GSTM4: variants seen among roughly 807,000 people sequenced by gnomAD.
GSTM4 encodes glutathione S-transferase mu 4, also known as GST class-mu 4.
Under a neutral mutation model 30.1 loss-of-function variants are expected in GSTM4, and 27 were observed. The observed-to-expected ratio is 0.90, with a 90% confidence interval of 0.66 to 1.24. GSTM4 has a LOEUF of 1.24. Among genes scored for constraint, GSTM4 ranks in the 50% most tolerant of loss-of-function variants. The pLI, the probability that GSTM4 is intolerant of heterozygous loss-of-function variation, is 0.00. For synonymous variants in GSTM4, 94 were observed against 96.2 expected (o/e 0.98, Z 0.13); for missense variants, 238 against 272.1 (o/e 0.87, Z 0.88).
downstream of GSTM4, among the ~76,000 whole-genome samples, chr1:109,666,812 A>G (rs641065): frequency 0.59 from 88,806 of 151,378 alleles, 26,545 homozygotes; most frequent in African/African-American, 0.69. Flanking sequence ...TACAACCTCC[A>G]CCTCCCTGGT....
In GSTM4 at chr1:109,656,759, C is replaced by G. The variant is rs200076614; in HGVS notation, c.84C>G (p.Tyr28Ter). ...RLLLEYTDSSYEEKKYTMGDA... is the reference protein window; with the variant it reads ...RLLLEYTDSS ...TCCTGGAATACACAGACTCAAGCTA[C>G]GAGGAAAAGAAGTATACGATGGGGG... The change falls in exon 2 of 8, where the codon TAC (tyrosine) becomes TAG (stop). Residue 28 changes from tyrosine (Y) to a stop codon, truncating the protein, a stop_gained. Transcript: ENST00000369836. LOFTEE classifies it high-confidence loss of function. 6.2e-6 allele frequency: 10 copies of G among 1,613,906 alleles called. No homozygotes were observed. The highest frequency in any genetic ancestry group is 8.5e-6 in the Non-Finnish European group (10 of 1,179,958).
At chr1:109,667,301 GTTTTTT>G (rs970934075), downstream of GSTM4, among the ~76,000 whole-genome samples, 2 of 145,848 alleles carry the variant, frequency 1.4e-5, no homozygotes, top group Admixed American at 1.4e-4. Context: ...TGTCCTGGTA[GTTTTTT>G]TTTTTTAACT....
At chr1:109,656,583 TGTGTGTGC>T in intron 1 of GSTM4, 121 bp from the exon 2 acceptor site, 3 of 634,828 alleles carry the variant, frequency 4.7e-6, no homozygotes, top group Admixed American at 2.2e-5. Context: ...TGTGTGTGTG[TGTGTGTGC>T]GTGCGCCGGG....
intron 5 of GSTM4, chr1:109,658,511 G>T: frequency 2.6e-6 from 1 of 385,178 alleles, no homozygotes; most frequent in African/African-American, 2.0e-5. Flanking sequence ...CTCATGTCTG[G>T]GTCCAGAGCC....
rs1652015977 is a variant in GSTM4, at chr1:109,656,742, T to A, written c.67T>A (p.Tyr23Asn). The A allele has an allele frequency of 6.2e-7, 1 of 1,613,838 alleles. No homozygotes were observed. Among genetic ancestry groups the A allele is most frequent in the South Asian group, 1.1e-5 (1 of 91,080 alleles). Residue 23 changes from tyrosine to asparagine, a missense_variant, in exon 2 of 8, where the codon TAC becomes AAC. By Grantham distance (143) the Tyr-to-Asn change is moderately radical (BLOSUM62 -2). Transcript: ENST00000369836. ...CCACGCCATCCGCCTGCTCCTGGAA[T>A]ACACAGACTCAAGCTACGAGGAAAA... ...LAHAIRLLLEYTDSSYEEKKY... is the reference protein window; with the variant it reads ...LAHAIRLLLENTDSSYEEKKY...
Position 109,661,226 on chromosome 1 carries a change from C to G in GSTM4, c.629C>G (p.Thr210Arg), listed in dbSNP as rs1163155897. The change falls in exon 8 of 8, where the codon ACA (threonine) becomes AGA (arginine). Residue 210 changes from threonine to arginine, a missense_variant. Transcript: ENST00000369836. ...CGCTTCCTCCCAAAACCTCTGTACA[C>G]AAGGGTGGCTGTCTGGGGCAACAAG... is the stretch of plus-strand genomic sequence containing the variant. Reference protein sequence around the residue: ...SSRFLPKPLYTRVAVWGNK With the variant: ...SSRFLPKPLYRRVAVWGNK 1 of 1,611,206 alleles carries G rather than the reference C, an allele frequency of 6.2e-7. No individual in the cohort carries two copies. The highest frequency in any genetic ancestry group is 1.7e-4 in the Middle Eastern group (1 of 6,058).
At chr1:109,664,947 T>C, downstream of GSTM4, 1 of 1,593,670 alleles carries the variant, frequency 6.3e-7, no homozygotes, top group Non-Finnish European at 8.6e-7. Flanking sequence ...TAAAGAATGA[T>C]CTTGTGGCAG....
chr1:109,663,646 G>A (rs181534892), downstream of GSTM4, among the ~76,000 whole-genome samples: 17 of 151,590 alleles, frequency 1.1e-4, no homozygotes, highest in East Asian at 2.1e-3. Flanking sequence ...CAGCCTGGGC[G>A]ACAGAGCAAG....
chr1:109,663,407 T>C (rs1414999799), downstream of GSTM4, among the ~76,000 whole-genome samples: 5 of 152,090 alleles, frequency 3.3e-5, no homozygotes, highest in Non-Finnish European at 7.4e-5. Context: ...GTGGCTCACG[T>C]CTATAATCCC....
chr1:109,664,341 C>CTTTTTTTTTTTTT (rs77855995), downstream of GSTM4, among the ~76,000 whole-genome samples: 467 of 35,734 alleles, frequency 0.013, 162 homozygotes, highest in East Asian at 0.067. Context: ...GAGAGAATAG[C>CTTTTTTTTTTTTT]TTTTTTTTTT....
In GSTM4 at chr1:109,661,437, A is replaced by G. The variant is rs1184806131; in HGVS notation, c.*183A>G. 6.9e-7 allele frequency: 1 copy of G among 1,450,762 alleles called. No homozygotes were observed. The highest frequency in any genetic ancestry group is 9.1e-7 in the Non-Finnish European group (1 of 1,098,292). The allele number at this position is 1,450,762 out of a possible 1,614,324, so 89.9% of individuals were successfully genotyped here. A position where few individuals can be genotyped will look rare whatever the true frequency, so the allele number is the denominator to read the frequency against. ...CTTCCCCTAAACCCCTGTCCCATGC[A>G]GGCCCTTTGAAGCCTCAGCTACCCA... On this transcript the variant is annotated 3_prime_UTR_variant, in exon 8 of 8. Transcript: ENST00000369836.
chr1:109,661,458 A>C lies in GSTM4; in HGVS notation c.*204A>C. ...ATGCAGGCCCTTTGAAGCCTCAGCT[A>C]CCCACTTTCCTTCATGAACATCCCC... On this transcript the variant is annotated 3_prime_UTR_variant, in exon 8 of 8. Coordinates refer to ENST00000369836, the MANE Select transcript of GSTM4 (RefSeq NM_000850.5). 7.0e-7 allele frequency: 1 copy of C among 1,425,350 alleles called. No homozygotes were observed. Among genetic ancestry groups the C allele is most frequent in the Non-Finnish European group, 9.2e-7 (1 of 1,085,524 alleles). The allele number at this position is 1,425,350 out of a possible 1,614,324, so 88.3% of individuals were successfully genotyped here. A position where few individuals can be genotyped will look rare whatever the true frequency, so the allele number is the denominator to read the frequency against.
chr1:109,657,300 G>C, intron 3 of GSTM4, 21 bp downstream of exon 3: 1 of 1,611,358 alleles, frequency 6.2e-7, no homozygotes, highest in South Asian at 1.1e-5. Flanking sequence ...GGGAAGGGGC[G>C]GTTTTGGGGG....
chr1:109,666,892 A>C (rs1326475739), downstream of GSTM4, among the ~76,000 whole-genome samples: 11 of 151,952 alleles, frequency 7.2e-5, no homozygotes, highest in Non-Finnish European at 1.2e-4. Context: ...GGCCTGGCTA[A>C]TTTTTTTGCA....
In GSTM4 at chr1:109,656,729, C is replaced by T. The variant is rs748860366; in HGVS notation, c.54C>T (p.Arg18=). 2.2e-5 allele frequency: 35 copies of T among 1,613,966 alleles called. No individual in the cohort carries two copies. Among genetic ancestry groups the T allele is most frequent in the Non-Finnish European group, 2.8e-5 (33 of 1,179,974 alleles). ...TCTTCCAGCTGGCCCACGCCATCCG[C>T]CTGCTCCTGGAATACACAGACTCAA... ...WDIRGLAHAI[R]LLLEYTDSSY... Residue 18 remains arginine, a synonymous_variant, in exon 2 of 8, where the codon CGC becomes CGT. Transcript: ENST00000369836.
chr1:109,666,213 C>G (rs1427587443), downstream of GSTM4, among the ~76,000 whole-genome samples: 5 of 152,176 alleles, frequency 3.3e-5, no homozygotes, highest in Non-Finnish European at 7.3e-5. Context: ...ACCTCAGCCT[C>G]TCAAGTAGCT....
intron 5 of GSTM4, chr1:109,658,346 G>A (rs1388443002): frequency 4.7e-6 from 1 of 214,708 alleles, no homozygotes; most frequent in Non-Finnish European, 9.3e-6. Context: ...GGCGGCCAGA[G>A]GGCCTTTGTT....
intron 1 of GSTM4, 121 bp from the exon 2 acceptor site, chr1:109,656,585 TGTGTGC>T: frequency 1.1e-5 from 7 of 636,056 alleles, no homozygotes; most frequent in African/African-American, 3.3e-5. Context: ...TGTGTGTGTG[TGTGTGC>T]GTGCGCCGGG....
Position 109,658,875 on chromosome 1 carries a change from T to C in GSTM4, c.422T>C (p.Phe141Ser). The change falls in exon 6 of 8, where the codon TTC (phenylalanine) becomes TCC (serine). Residue 141 changes from phenylalanine to serine, a missense_variant. Phe to Ser is a radical substitution (Grantham distance 155). Coordinates refer to ENST00000369836, the MANE Select transcript of GSTM4 (RefSeq NM_000850.5). ...LPTMMQHFSQ[F>S]LGKRPWFVGD... ...ACAATGATGCAGCACTTCTCACAGTTCCTGGGGAAGAGGCCATGGTTTGTT... is the reference window on the plus strand; with the variant it reads ...ACAATGATGCAGCACTTCTCACAGTCCCTGGGGAAGAGGCCATGGTTTGTT... The C allele has an allele frequency of 1.9e-6, 3 of 1,614,084 alleles. No homozygotes were observed. Among genetic ancestry groups the C allele is most frequent in the Non-Finnish European group, 2.5e-6 (3 of 1,179,942 alleles).
Sources: gnomAD v4.1 joint callset for allele counts (sites outside exome capture counted in the v4.1 genomes callset) on GRCh38, gnomAD v4.1.1 for gene constraint, MANE v1.5 for transcripts, NCBI Gene and HGNC (gene_info 2026-07-23, HGNC 2026-07-21) for gene names.